The following CABLES1 variants were observed in gnomAD, a reference collection of about 807,000 sequenced individuals.
CABLES1 encodes the protein CDK5 and ABL1 enzyme substrate 1.
In CABLES1, 36 loss-of-function variants were observed where a neutral mutation model predicts 57.8. The observed-to-expected ratio is 0.62, with a 90% CI of 0.48 to 0.82. The LOEUF is 0.82. CABLES1 is among the 40% of genes least tolerant of loss of function. CABLES1 has a pLI of 0.00. For synonymous variants in CABLES1, 374 were observed against 363.0 expected, an observed-to-expected ratio of 1.03 and a Z score of -0.35; for missense variants, 767 against 836.6, an observed-to-expected ratio of 0.92 and a Z score of 1.03.
chr18:23,141,999 A>G (rs1441605236), intron 1 of CABLES1, among the ~76,000 whole-genome samples: 7 of 151,654 alleles, frequency 4.6e-5, no homozygotes. Flanking sequence ...GGACTTTGAG[A>G]CTCCTGGGTT....
chr18:23,163,546 G>C (rs1032646473), intron 1 of CABLES1, among the ~76,000 whole-genome samples: 1 of 152,078 alleles, frequency 6.6e-6, no homozygotes, highest in Non-Finnish European at 1.5e-5. Flanking sequence ...GGGAAGCCTG[G>C]GGGGCTGAGA....
At chr18:23,234,058 A>G (rs904156472) in intron 4 of CABLES1, among the ~76,000 whole-genome samples, 1 of 152,114 alleles carries the variant, frequency 6.6e-6, no homozygotes, top group Non-Finnish European at 1.5e-5. Context: ...CTGTACTAAA[A>G]ATACAAAAAA....
At chr18:23,213,502 G>A (rs2047419311) in intron 3 of CABLES1, among the ~76,000 whole-genome samples, 1 of 152,194 alleles carries the variant, frequency 6.6e-6, no homozygotes. Flanking sequence ...AACCTAACAT[G>A]TTGCCAGCAG....
At chr18:23,155,231 G>A (rs1388371430) in intron 1 of CABLES1, among the ~76,000 whole-genome samples, 2 of 152,122 alleles carry the variant, frequency 1.3e-5, no homozygotes, top group African/African-American at 2.4e-5. Flanking sequence ...GATACATGGA[G>A]GCTGGTGAGA....
chr18:23,214,477 C>T (rs545046579), intron 4 of CABLES1: 1 of 154,898 alleles, frequency 6.5e-6, no homozygotes, highest in African/African-American at 2.4e-5. Context: ...GAGCTGCCAC[C>T]ACAGAGAAAC....
Position 23,234,666 on chromosome 18 carries a change from A to G in CABLES1, c.1147A>G (p.Ile383Val). The part of the protein sequence containing the change: ...STGAVSLKEI[I>V]GLEGVELGAD... ...TGGTGCAGTGAGTTTGAAAGAGATC[A>G]TTGGTCTGGAAGGTGTGGAGCTGGG... The change falls in exon 5 of 10, where the codon ATT becomes GTT. Residue 383 changes from isoleucine (I) to valine (V), a missense_variant. Transcript: ENST00000256925. The G allele has an allele frequency of 6.2e-7, 1 of 1,613,844 alleles. No individual in the cohort carries two copies. The highest frequency in any genetic ancestry group is 1.1e-5 in the South Asian group (1 of 91,070).
intron 4 of CABLES1, among the ~76,000 whole-genome samples, chr18:23,224,367 C>T (rs17186840): frequency 0.051 from 7,760 of 152,012 alleles, 593 homozygotes; most frequent in Admixed American, 0.22. Context: ...TGCTTGGGAA[C>T]GAGCTGGCAG....
At chr18:23,169,010 T>G (rs1004731761) in intron 1 of CABLES1, among the ~76,000 whole-genome samples, 49 of 152,074 alleles carry the variant, frequency 3.2e-4, no homozygotes, top group Non-Finnish European at 5.9e-5. Context: ...AAGACACAGG[T>G]CAGAAAGACC....
chr18:23,215,226 G>C (rs888184533), intron 4 of CABLES1, among the ~76,000 whole-genome samples: 1 of 152,318 alleles, frequency 6.6e-6, no homozygotes, highest in Admixed American at 6.5e-5. Context: ...GGACCATCTA[G>C]TGGCCAGTGG....
chr18:23,212,184 T>C (rs764183958), intron 3 of CABLES1, among the ~76,000 whole-genome samples: 46 of 152,258 alleles, frequency 3.0e-4, no homozygotes, highest in Non-Finnish European at 4.6e-4. Flanking sequence ...TCTGAGTCCA[T>C]GGACTAGGCT....
intron 4 of CABLES1, among the ~76,000 whole-genome samples, chr18:23,233,704 C>A (rs1299195514): frequency 6.6e-6 from 1 of 152,166 alleles, no homozygotes; most frequent in Non-Finnish European, 1.5e-5. Flanking sequence ...CAGAGCAAGG[C>A]TTCATCCCTG....
chr18:23,205,648 A>G (rs2047357805), intron 3 of CABLES1, among the ~76,000 whole-genome samples: 1 of 152,234 alleles, frequency 6.6e-6, no homozygotes, highest in South Asian at 2.1e-4. Flanking sequence ...AGATGAGGTT[A>G]TACTGGAGTA....
In CABLES1 at chr18:23,231,372, C is replaced by T. The variant is rs566043978; in HGVS notation, c.1089-3236C>T. 2.6e-5 allele frequency among the ~76,000 whole-genome samples: 4 copies of T among 152,342 alleles called. No homozygotes were observed. The South Asian group carries it at 6.2e-4, about 24-fold the overall frequency. ...TGCCACACGTAACCATCGTATGGAACACGGTAGATAAGGACCATCTCCGTC... is the reference window on the plus strand; with the variant it reads ...TGCCACACGTAACCATCGTATGGAATACGGTAGATAAGGACCATCTCCGTC... On this transcript the variant is annotated intron_variant, in intron 4 of 9. Coordinates refer to ENST00000256925, the MANE Select transcript of CABLES1 (RefSeq NM_001100619.3).
intron 4 of CABLES1, among the ~76,000 whole-genome samples, chr18:23,233,959 G>A (rs2047583914): frequency 6.6e-6 from 1 of 152,192 alleles, no homozygotes; most frequent in Admixed American, 6.5e-5. Context: ...GCTCACGCCT[G>A]TAATCCCAGC....
rs576933382 is a variant in CABLES1, at chr18:23,210,047, C to T, written c.1011-3930C>T. ...GTGTGAAAAAGAAAGCTGGACGGTG[C>T]TCCGTTAGCTTCCGAGCACTCATGA... On this transcript the variant is annotated intron_variant, in intron 3 of 9. Transcript: ENST00000256925. 7.9e-5 allele frequency among the ~76,000 whole-genome samples: 12 copies of T among 152,320 alleles called. No homozygotes were observed. The South Asian group carries it at 2.5e-3, about 32-fold the overall frequency.
chr18:23,208,757 G>C (rs1258856380), intron 3 of CABLES1, among the ~76,000 whole-genome samples: 1 of 152,194 alleles, frequency 6.6e-6, no homozygotes, highest in Non-Finnish European at 1.5e-5. Flanking sequence ...TTCTCTCCCT[G>C]TTGTGGAGAC....
intron 1 of CABLES1, among the ~76,000 whole-genome samples, chr18:23,184,693 ACT>A (rs896324616): frequency 1.3e-5 from 2 of 151,320 alleles, no homozygotes; most frequent in Non-Finnish European, 2.9e-5. Flanking sequence ...ACAGAGCGAG[ACT>A]CTGTCTCAGA....
At chr18:23,219,056 C>A in intron 4 of CABLES1, 2 of 391,804 alleles carry the variant, frequency 5.1e-6, no homozygotes, top group Non-Finnish European at 1.0e-5. Flanking sequence ...CACCCCCCCG[C>A]AAGTGCCTTG....
intron 7 of CABLES1, among the ~76,000 whole-genome samples, chr18:23,247,493 G>A (rs1472766400): frequency 6.6e-6 from 1 of 152,204 alleles, no homozygotes; most frequent in Non-Finnish European, 1.5e-5. Context: ...GGGTTGCCTG[G>A]TCCGCTGTGG....
Sources: allele counts gnomAD v4.1 joint callset (sites outside exome capture counted in the v4.1 genomes callset), GRCh38; gene constraint gnomAD v4.1.1; transcripts MANE v1.5; gene names NCBI Gene and HGNC (gene_info 2026-07-23, HGNC 2026-07-21).